SLC6A17: variants seen among roughly 807,000 people sequenced by gnomAD.
The protein encoded by SLC6A17 is solute carrier family 6 member 17, also known as sodium-dependent neutral amino acid transporter SLC6A17.
A neutral mutation model predicts 64.5 loss-of-function variants in SLC6A17; 21 were observed. The observed-to-expected ratio is 0.33, with a 90% CI of 0.23 to 0.47. The LOEUF is 0.47. Ranked by LOEUF, SLC6A17 falls within the 20% of genes least tolerant of loss-of-function variation. The pLI, the probability that SLC6A17 is intolerant of heterozygous loss-of-function variation, is 1.00. For synonymous variants in SLC6A17, 372 were observed against 399.5 expected, an observed-to-expected ratio of 0.93 and a Z score of 0.82; for missense variants, 682 against 963.2, an observed-to-expected ratio of 0.71 and a Z score of 3.86.
At chr1:110,167,740 T>C (rs4838937) in intron 2 of SLC6A17, among the ~76,000 whole-genome samples, 58,369 of 152,110 alleles carry the variant, frequency 0.38, 12,115 homozygotes, top group Non-Finnish European at 0.47. Flanking sequence ...GCACCAATTT[T>C]ATGTGATTCA....
chr1:110,164,963 C>T (rs1390618830), intron 1 of SLC6A17, among the ~76,000 whole-genome samples: 3 of 152,234 alleles, frequency 2.0e-5, no homozygotes, highest in African/African-American at 7.2e-5. Context: ...AACCCTGCTG[C>T]AGGCAGAGTG....
chr1:110,155,174 A>C (rs76482195), intron 1 of SLC6A17, among the ~76,000 whole-genome samples: 3,700 of 152,286 alleles, frequency 0.024, 157 homozygotes, highest in African/African-American at 0.083. Context: ...AATGCTCCTC[A>C]CTGGCAGTGG....
At position 110,183,459 on chromosome 1, in the gene SLC6A17, G is replaced by T. The variant is rs554103598; in HGVS notation, c.864+6720G>T. The stretch of plus-strand genomic sequence containing the variant: ...AAGGTGGATTAGTGGTTAGTACTGG[G>T]CTTGTGGGGAGGTTGGGGGAGACAT... On this transcript the variant is annotated intron_variant, in intron 6 of 11. Coordinates refer to ENST00000331565, the MANE Select transcript of SLC6A17 (RefSeq NM_001010898.4). Among the ~76,000 whole-genome samples the T allele has an allele frequency of 2.6e-5, 4 of 152,310 alleles. No homozygotes were observed. The East Asian group carries it at 7.7e-4, about 29-fold the overall frequency.
intron 1 of SLC6A17, chr1:110,166,076 T>C (rs1656045048): frequency 6.6e-6 from 1 of 152,242 alleles, no homozygotes; most frequent in Admixed American, 6.5e-5. Flanking sequence ...AAACTGTCGC[T>C]GAAGGATGGA....
chr1:110,153,782 A>G (rs545573234), intron 1 of SLC6A17, among the ~76,000 whole-genome samples: 4 of 152,184 alleles, frequency 2.6e-5, no homozygotes, highest in Non-Finnish European at 4.4e-5. Context: ...TTTAAGGGGA[A>G]GATGGATTTA....
chr1:110,165,078 G>A (rs1236467249), intron 1 of SLC6A17, among the ~76,000 whole-genome samples: 1 of 152,218 alleles, frequency 6.6e-6, no homozygotes, highest in East Asian at 1.9e-4. Context: ...CTGTATGTAA[G>A]CTGTAGGGGA....
intron 11 of SLC6A17, 46 bp from the exon 12 acceptor site, chr1:110,198,030 G>T (rs948043614): frequency 6.4e-7 from 1 of 1,564,576 alleles, no homozygotes; most frequent in African/African-American, 1.3e-5. Flanking sequence ...GGGCGGGGAG[G>T]GCTGTCACAG....
Position 110,197,612 on chromosome 1 carries a change from G to C in SLC6A17, c.1815+13G>C, listed in dbSNP as rs576464035. On this transcript the variant is annotated intron_variant, in intron 11 of 11. Coordinates refer to ENST00000331565, the MANE Select transcript of SLC6A17 (RefSeq NM_001010898.4). ...GATCAAGGAGGAGGTGAGGGGTGGG[G>C]CCCCAAACCCCAGGGACATTTGCAT... is the stretch of plus-strand genomic sequence containing the variant. 11 of 1,580,292 alleles carry C rather than the reference G, an allele frequency of 7.0e-6. No homozygotes were observed. The African/African-American group carries it at 1.5e-4, about 21-fold the overall frequency.
Position 110,171,445 on chromosome 1 carries a change from C to G in SLC6A17, c.287-615C>G, listed in dbSNP as rs564170257. Among the ~76,000 whole-genome samples, 12 of 152,326 alleles carry G rather than the reference C, an allele frequency of 7.9e-5. 1 individual carries two copies. The South Asian group carries it at 2.1e-3, about 26-fold the overall frequency. ...ACCCATTCTATCCTTTATGATCCTC[C>G]TGGCTATGCTTTCCTGAACTGCTAA... is the stretch of plus-strand genomic sequence containing the variant. On this transcript the variant is annotated intron_variant, in intron 2 of 11. Coordinates refer to ENST00000331565, the MANE Select transcript of SLC6A17 (RefSeq NM_001010898.4).
Position 110,174,699 on chromosome 1 carries a change from G to A in SLC6A17, c.572-80G>A, listed in dbSNP as rs530650944. The A allele has an allele frequency of 9.1e-6, 14 of 1,546,174 alleles. No homozygotes were observed. In the African/African-American group the frequency reaches 1.8e-4, roughly 19 times the overall value. On this transcript the variant is annotated intron_variant, in intron 4 of 11. Transcript: ENST00000331565. Reference sequence around the variant, plus strand: ...CTCAGCAGCTCCCTCACCCACTGCTGCCCTGAGTGGTGGTCCAGCAGAGGA... The same window carrying A: ...CTCAGCAGCTCCCTCACCCACTGCTACCCTGAGTGGTGGTCCAGCAGAGGA...
In SLC6A17 at chr1:110,162,444, G is replaced by A. The variant is rs981583817; in HGVS notation, c.-87-4399G>A. 2.3e-4 allele frequency among the ~76,000 whole-genome samples: 35 copies of A among 152,254 alleles called. 1 individual carries two copies. Among genetic ancestry groups the A allele is most frequent in the Admixed American group, 2.2e-3 (34 of 15,288 alleles). ...CCCATTTTACACACAGGAAAACTGA[G>A]ATCCGGAGAAGTTAGGGCAATAGTA... On this transcript the variant is annotated intron_variant, in intron 1 of 11. Coordinates refer to ENST00000331565, the MANE Select transcript of SLC6A17 (RefSeq NM_001010898.4).
In SLC6A17 at chr1:110,200,405, T is replaced by G; in HGVS notation, c.*1961T>G. 3.4e-6 allele frequency: 1 copy of G among 290,354 alleles called. No homozygotes were observed. Among genetic ancestry groups the G allele is most frequent in the Non-Finnish European group, 6.3e-6 (1 of 157,656 alleles). 18.0% of individuals were successfully genotyped at this position (290,354 alleles called of 1,614,324 possible). Reference sequence around the variant, plus strand: ...CCGACAACACCTCCTACCTGGCCCCTTGCCAAATCCCAAGCAGAATTAGCA... The same window carrying G: ...CCGACAACACCTCCTACCTGGCCCCGTGCCAAATCCCAAGCAGAATTAGCA... On this transcript the variant is annotated 3_prime_UTR_variant, in exon 12 of 12. Coordinates refer to ENST00000331565, the MANE Select transcript of SLC6A17 (RefSeq NM_001010898.4).
At chr1:110,174,510 C>A (rs1246111796) in intron 4 of SLC6A17, among the ~76,000 whole-genome samples, 1 of 152,198 alleles carries the variant, frequency 6.6e-6, no homozygotes, top group East Asian at 1.9e-4. Context: ...CCTCACGTTT[C>A]CTCCCTTCCA....
chr1:110,156,688 C>G (rs568630261), intron 1 of SLC6A17, among the ~76,000 whole-genome samples: 1 of 152,254 alleles, frequency 6.6e-6, no homozygotes, highest in African/African-American at 2.4e-5. Flanking sequence ...AGTGGGTCAC[C>G]TGTGGCTTGT....
intron 1 of SLC6A17, among the ~76,000 whole-genome samples, chr1:110,165,813 TG>T (rs1249974442): frequency 6.6e-6 from 1 of 152,210 alleles, no homozygotes; most frequent in African/African-American, 2.4e-5. Flanking sequence ...ATTACAGAGC[TG>T]GGTAAGTTAC....
chr1:110,196,134 GATGAGGT>G (rs1013271006), intron 10 of SLC6A17, among the ~76,000 whole-genome samples: 1 of 152,208 alleles, frequency 6.6e-6, no homozygotes, highest in African/African-American at 2.4e-5. Context: ...AGGGGTATGA[GATGAGGT>G]ATGATTTTGG....
chr1:110,171,819 TA>T (rs1656232378), intron 2 of SLC6A17, among the ~76,000 whole-genome samples: 2 of 152,040 alleles, frequency 1.3e-5, no homozygotes. Context: ...TTGACATACA[TA>T]CACTTCCTCC....
At chr1:110,156,563 G>A (rs1655766566) in intron 1 of SLC6A17, among the ~76,000 whole-genome samples, 3 of 152,188 alleles carry the variant, frequency 2.0e-5, no homozygotes, top group South Asian at 2.1e-4. Flanking sequence ...CTGAATCCCC[G>A]CTCTTCCATT....
chr1:110,194,883 C>A, intron 9 of SLC6A17, 112 bp downstream of exon 9: 2 of 1,323,020 alleles, frequency 1.5e-6, no homozygotes, highest in East Asian at 2.5e-5. Flanking sequence ...AAGGCTCCAC[C>A]CCACACTGGG....
Sources: gnomAD v4.1 joint callset for allele counts (sites outside exome capture counted in the v4.1 genomes callset) on GRCh38, gnomAD v4.1.1 for gene constraint, MANE v1.5 for transcripts, NCBI Gene and HGNC (gene_info 2026-07-23, HGNC 2026-07-21) for gene names.